NFKBIA: variants seen among roughly 807,000 people sequenced by gnomAD.
NFKBIA encodes the protein NFKB inhibitor alpha, also known as NF-kappa-B inhibitor alpha.
A neutral mutation model predicts 36.3 loss-of-function variants in NFKBIA; 10 were observed. The ratio of observed to expected loss-of-function variants is 0.28; its 90% CI spans 0.17 to 0.47. The LOEUF (loss-of-function observed/expected upper bound fraction) is 0.47, where lower values mean the gene tolerates loss of function less well. Ranked by LOEUF, NFKBIA falls within the 20% of genes least tolerant of loss-of-function variation. The pLI is 0.99. For synonymous variants in NFKBIA, 205 were observed against 164.4 expected, an observed-to-expected ratio of 1.25 and a Z score of -1.89; for missense variants, 355 against 399.3, an observed-to-expected ratio of 0.89 and a Z score of 0.94.
rs1233368462 is a variant in NFKBIA at position 35,404,531 on chromosome 14, T to C, written c.114A>G (p.Lys38=). 2 of 1,603,642 alleles carry C rather than the reference T, an allele frequency of 1.2e-6. No homozygotes were observed. The highest frequency in any genetic ancestry group is 1.1e-5 in the South Asian group (1 of 89,648). Reference sequence around the variant, plus strand: ...TGACCATCTGCTCGTACTCCTCGTCTTTCATGGAGTCCAGGCCGCTGTCGT... The same window carrying C: ...TGACCATCTGCTCGTACTCCTCGTCCTTCATGGAGTCCAGGCCGCTGTCGT... ...DRHDSGLDSM[K]DEEYEQMVKE... is the part of the protein sequence containing the mutation. The change falls in exon 1 of 6, where the codon AAA becomes AAG. Residue 38 remains lysine (K), a synonymous_variant. Transcript: ENST00000216797.
rs985013415 is a variant in NFKBIA at position 35,401,953 on chromosome 14, A to G, written c.*60T>C. On this transcript the variant is annotated 3_prime_UTR_variant, in exon 6 of 6. Transcript: ENST00000216797. The stretch of plus-strand genomic sequence containing the variant: ...TTTTCTTCTTTTTTCTTTTTTTAGA[A>G]AAATAAAACTTTTTTTTTGTACAAA... The G allele has an allele frequency of 1.7e-5, 27 of 1,595,112 alleles. No individual in the cohort carries two copies. The highest frequency in any genetic ancestry group is 2.1e-5 in the Non-Finnish European group (24 of 1,165,522).
intron 2 of NFKBIA, 114 bp from the exon 3 acceptor site, chr14:35,403,474 G>T: frequency 8.3e-7 from 1 of 1,200,736 alleles, no homozygotes; most frequent in Non-Finnish European, 1.2e-6. Flanking sequence ...AGGGGGGTGG[G>T]GAGGGCTGGC....
chr14:35,401,933 TTC>T lies in NFKBIA; in HGVS notation c.*78_*79del. The T allele has an allele frequency of 2.0e-6, 3 of 1,521,298 alleles. No individual in the cohort carries two copies. The highest frequency in any genetic ancestry group is 2.7e-6 in the Non-Finnish European group (3 of 1,114,564). 94.2% of individuals were successfully genotyped at this position (1,521,298 alleles called of 1,614,324 possible). On this transcript the variant is annotated 3_prime_UTR_variant, in exon 6 of 6. Transcript: ENST00000216797. ...ATAAGTACACCCTTTAAATTTTTTC[TTC>T]TTTTTTCTTTTTTTAGAAAAATAAA... is the stretch of plus-strand genomic sequence containing the variant.
chr14:35,402,736 C>A, intron 4 of NFKBIA, 35 bp downstream of exon 4: 1 of 1,613,864 alleles, frequency 6.2e-7, no homozygotes, highest in Admixed American at 1.7e-5. Flanking sequence ...GCACGAGGAG[C>A]CTGACTCAGT....
chr14:35,402,964 C>A, intron 3 of NFKBIA, 105 bp from the exon 4 acceptor site: 1 of 1,321,334 alleles, frequency 7.6e-7, no homozygotes, highest in Non-Finnish European at 1.1e-6. Flanking sequence ...TTTTAAGAAC[C>A]CACAGTCTGG....
intron 5 of NFKBIA, among the ~76,000 whole-genome samples, 158 bp downstream of exon 5, chr14:35,402,236 G>GTAAGCTATTAAAAAAAGGT (rs1555342770): frequency 4.8e-5 from 1 of 21,026 alleles, no homozygotes; most frequent in Non-Finnish European, 1.7e-4. Context: ...TAAAAAAAGA[G>GTAAGCTATTAAAAAAAGGT]GGGGGGCAGG....
Position 35,402,618 on chromosome 14 carries a change from G to C in NFKBIA, c.682C>G (p.Gln228Glu), listed in dbSNP as rs1227706340. 1.3e-5 allele frequency: 21 copies of C among 1,614,136 alleles called. No individual in the cohort carries two copies. Among genetic ancestry groups the C allele is most frequent in the Non-Finnish European group, 1.7e-5 (20 of 1,180,060 alleles). ...RTALHLAVDL[Q>E]NPDLVSLLLK... ...AGGAGTGACACCAGGTCAGGATTTTGCAGGTCCACTGCGAGGTGAAGGGCA... is the reference window on the plus strand; with the variant it reads ...AGGAGTGACACCAGGTCAGGATTTTCCAGGTCCACTGCGAGGTGAAGGGCA... Residue 228 changes from glutamine to glutamate, a missense_variant, in exon 5 of 6, where the codon CAA (glutamine) becomes GAA (glutamate). Gln to Glu is a conservative substitution (Grantham distance 29, BLOSUM62 2). Transcript: ENST00000216797.
chr14:35,404,165 G>T (rs1456602692), intron 1 of NFKBIA: 1 of 341,176 alleles, frequency 2.9e-6, no homozygotes, highest in Non-Finnish European at 5.3e-6. Context: ...GACGGGTCTG[G>T]GGGGAGGGGG....
At position 35,404,634 on chromosome 14, in the gene NFKBIA, G is replaced by A. The variant is rs1394403932; in HGVS notation, c.11C>T (p.Ala4Val). The change falls in exon 1 of 6, where the codon GCG becomes GTG. Residue 4 changes from alanine to valine, a missense_variant. Transcript: ENST00000216797. ...GGCCCACTCCTGGGGGCGCTCGGCCGCCTGGAACATGGCGCGGACGAGCTG... is the reference window on the plus strand; with the variant it reads ...GGCCCACTCCTGGGGGCGCTCGGCCACCTGGAACATGGCGCGGACGAGCTG... MFQ[A>V]AERPQEWAME... is the part of the protein sequence containing the mutation. The A allele has an allele frequency of 2.0e-6, 3 of 1,507,708 alleles. No individual in the cohort carries two copies. The highest frequency in any genetic ancestry group is 2.7e-6 in the Non-Finnish European group (3 of 1,127,440). The allele number at this position is 1,507,708 out of a possible 1,614,324, so 93.4% of individuals were successfully genotyped here.
rs1180222307 is a variant in NFKBIA at position 35,401,536 on chromosome 14, T to C, written c.*477A>G. The C allele has an allele frequency of 4.6e-6, 1 of 217,434 alleles. No homozygotes were observed. The highest frequency in any genetic ancestry group is 9.4e-6 in the Non-Finnish European group (1 of 106,662). 13.5% of individuals were successfully genotyped at this position (217,434 alleles called of 1,614,324 possible). On this transcript the variant is annotated 3_prime_UTR_variant, in exon 6 of 6. Transcript: ENST00000216797. The stretch of plus-strand genomic sequence containing the variant: ...CATTTGTAAAAATCTGTTTAATAAA[T>C]ATACATCATAAAAGTACCAAAATAA...
Position 35,403,179 on chromosome 14 carries a change from T to C in NFKBIA, c.518A>G (p.His173Arg), listed in dbSNP as rs1258459190. 1 of 1,611,118 alleles carries C rather than the reference T, an allele frequency of 6.2e-7. No individual in the cohort carries two copies. ...LTQSCTTPHL[H>R]SILKATNYNG... ...GTAGTTGGTAGCCTTCAGGATGGAG[T>C]GGAGGTGCGGGGTGGTGCAGGACTG... The change falls in exon 3 of 6, where the codon CAC becomes CGC. Residue 173 changes from histidine (H) to arginine (R), a missense_variant. Transcript: ENST00000216797.
intron 1 of NFKBIA, chr14:35,404,159 G>A (rs978080063): frequency 5.9e-6 from 2 of 337,976 alleles, no homozygotes; most frequent in East Asian, 8.1e-5. Flanking sequence ...CTAGAGGACG[G>A]GTCTGGGGGG....
chr14:35,404,167 G>A (rs1031015301), intron 1 of NFKBIA: 3 of 340,284 alleles, frequency 8.8e-6, no homozygotes, highest in African/African-American at 6.8e-5. Context: ...CGGGTCTGGG[G>A]GGAGGGGGCG....
rs1594426358 is a variant in NFKBIA, at chr14:35,402,514, G to A, written c.786C>T (p.Ser262=). 6.2e-7 allele frequency: 1 copy of A among 1,614,202 alleles called. No homozygotes were observed. The highest frequency in any genetic ancestry group is 8.5e-7 in the Non-Finnish European group (1 of 1,180,036). Residue 262 remains serine (S), a synonymous_variant, in exon 5 of 6, where the codon AGC becomes AGT. Coordinates refer to ENST00000216797, the MANE Select transcript of NFKBIA (RefSeq NM_020529.3). ...GGCCCAGCTGCTGCTGTATCCGGGT[G>A]CTTGGGCGGCCCCAGGTGAGCTGGT... is the stretch of plus-strand genomic sequence containing the variant. The part of the protein sequence containing the change: ...SPYQLTWGRP[S]TRIQQQLGQL...
chr14:35,404,674 G>C lies in NFKBIA; in HGVS notation c.-30C>G, dbSNP rs1215688867. On this transcript the variant is annotated 5_prime_UTR_variant, in exon 1 of 6. Coordinates refer to ENST00000216797, the MANE Select transcript of NFKBIA (RefSeq NM_020529.3). Reference sequence around the variant, plus strand: ...CGGACGAGCTGCGGGCGCTGCTGCGGGTGCGCTGGGCCGCGGGCTGCGCGC... The same window carrying C: ...CGGACGAGCTGCGGGCGCTGCTGCGCGTGCGCTGGGCCGCGGGCTGCGCGC... The C allele has an allele frequency of 1.4e-6, 2 of 1,421,496 alleles. No individual in the cohort carries two copies. The highest frequency in any genetic ancestry group is 3.0e-5 in the African/African-American group (2 of 67,056). 88.1% of individuals were successfully genotyped at this position (1,421,496 alleles called of 1,614,324 possible).
Position 35,401,786 on chromosome 14 carries a change from G to T in NFKBIA, c.*227C>A, listed in dbSNP as rs2052728267. 3.4e-6 allele frequency: 2 copies of T among 584,484 alleles called. No individual in the cohort carries two copies. The highest frequency in any genetic ancestry group is 2.2e-5 in the South Asian group (1 of 45,130). The allele number at this position is 584,484 out of a possible 1,614,324, so 36.2% of individuals were successfully genotyped here. A position where few individuals can be genotyped will look rare whatever the true frequency, so the allele number is the denominator to read the frequency against. Reference sequence around the variant, plus strand: ...AACCCCACAAAGGTGAGGTTTAAAAGAAGTTTTCTCAGAATTTCAATGATC... The same window carrying T: ...AACCCCACAAAGGTGAGGTTTAAAATAAGTTTTCTCAGAATTTCAATGATC... On this transcript the variant is annotated 3_prime_UTR_variant, in exon 6 of 6. Transcript: ENST00000216797.
At position 35,404,702 on chromosome 14, in the gene NFKBIA, C is replaced by T. The variant is rs1388471385; in HGVS notation, c.-58G>A. The stretch of plus-strand genomic sequence containing the variant: ...GCGCTGGGCCGCGGGCTGCGCGCTG[C>T]TTCCTCGCTGGGGCGCTGGCGGGCG... On this transcript the variant is annotated 5_prime_UTR_variant, in exon 1 of 6. Coordinates refer to ENST00000216797, the MANE Select transcript of NFKBIA (RefSeq NM_020529.3). 3.3e-5 allele frequency: 41 copies of T among 1,237,526 alleles called. No individual in the cohort carries two copies. The highest frequency in any genetic ancestry group is 4.2e-5 in the Non-Finnish European group (40 of 962,424). The allele number at this position is 1,237,526 out of a possible 1,614,324, so 76.7% of individuals were successfully genotyped here.
chr14:35,404,123 G>A (rs2138833456), intron 1 of NFKBIA: 1 of 389,708 alleles, frequency 2.6e-6, no homozygotes, highest in Non-Finnish European at 4.7e-6. Flanking sequence ...GGGACTTCGC[G>A]TCCCCGCTGC....
chr14:35,404,193 A>C, intron 1 of NFKBIA: 2 of 322,986 alleles, frequency 6.2e-6, no homozygotes, highest in Non-Finnish European at 1.1e-5. Flanking sequence ...CGACGCTGCC[A>C]TCCACCAGGG....
Sources: allele counts gnomAD v4.1 joint callset (sites outside exome capture counted in the v4.1 genomes callset), GRCh38; gene constraint gnomAD v4.1.1; transcripts MANE v1.5; gene names NCBI Gene and HGNC (gene_info 2026-07-23, HGNC 2026-07-21).